Variants in CTNNA2 observed in about 807,000 individuals in gnomAD.
The protein encoded by CTNNA2 is catenin alpha-2.
Under a neutral mutation model 101.0 loss-of-function variants are expected in CTNNA2, and 42 were observed. The ratio of observed to expected loss-of-function variants is 0.42; its 90% CI spans 0.32 to 0.54. The LOEUF is 0.54. CTNNA2 is among the 20% of genes least tolerant of loss of function. The pLI, the probability that CTNNA2 is intolerant of heterozygous loss-of-function variation, is 0.14. For missense variants in CTNNA2, 871 were observed against 1,223.1 expected, an observed-to-expected ratio of 0.71 and a Z score of 4.29; for synonymous variants, 450 against 456.4, an observed-to-expected ratio of 0.99 and a Z score of 0.18.
intron 7 of CTNNA2, among the ~76,000 whole-genome samples, chr2:80,215,086 G>T (rs934138328): frequency 6.6e-6 from 1 of 151,864 alleles, no homozygotes; most frequent in Admixed American, 6.6e-5. Context: ...CATAGTTCTC[G>T]TGCCATGGTT....
intron 3 of CTNNA2, among the ~76,000 whole-genome samples, chr2:79,797,297 G>A (rs202083274): frequency 6.6e-6 from 1 of 152,050 alleles, no homozygotes; most frequent in Non-Finnish European, 1.5e-5. Flanking sequence ...GCAGGCCCAG[G>A]TGGTCATCTA....
At chr2:79,603,466 T>A (rs767672350) in intron 1 of CTNNA2, among the ~76,000 whole-genome samples, 21 of 152,222 alleles carry the variant, frequency 1.4e-4, no homozygotes, top group Non-Finnish European at 5.9e-5. Flanking sequence ...AAGTATCATG[T>A]ATTAGAGAAG....
At chr2:80,094,078 C>A (rs1699980752) in intron 7 of CTNNA2, among the ~76,000 whole-genome samples, 1 of 152,088 alleles carries the variant, frequency 6.6e-6, no homozygotes. Context: ...GAAGTCCTTG[C>A]CCATGCCTAT....
At chr2:80,077,514 C>T (rs1252002652) in intron 7 of CTNNA2, among the ~76,000 whole-genome samples, 2 of 151,112 alleles carry the variant, frequency 1.3e-5, no homozygotes, top group Non-Finnish European at 2.9e-5. Context: ...TTTGGGAGGC[C>T]AAGGCAGGAA....
At chr2:79,233,013 T>C (rs1299699070) in intron 2 of CTNNA2, among the ~76,000 whole-genome samples, 3 of 152,186 alleles carry the variant, frequency 2.0e-5, no homozygotes, top group Non-Finnish European at 4.4e-5. Flanking sequence ...AATTTTTAGT[T>C]TTACTGATCA....
chr2:80,042,392 A>G (rs1299758211), intron 7 of CTNNA2, among the ~76,000 whole-genome samples: 2 of 152,212 alleles, frequency 1.3e-5, no homozygotes, highest in Admixed American at 1.3e-4. Flanking sequence ...GCTGTTGAGA[A>G]TCGGGTTTAA....
chr2:79,336,839 G>A lies in CTNNA2; in HGVS notation c.-318+24043G>A, dbSNP rs527813108. Among the ~76,000 whole-genome samples, 23 of 152,270 alleles carry A rather than the reference G, an allele frequency of 1.5e-4. No individual in the cohort carries two copies. In the East Asian group the frequency reaches 2.5e-3, roughly 17 times the overall value. On this transcript the variant is annotated intron_variant, in intron 3 of 21. Coordinates refer to the CTNNA2 transcript ENST00000466387. Reference sequence around the variant, plus strand: ...TAGAATTTCTTGAAAGAGGAAATGCGTGGTGGCATGGTGGTGTTGTCTATT... The same window carrying A: ...TAGAATTTCTTGAAAGAGGAAATGCATGGTGGCATGGTGGTGTTGTCTATT...
intron 7 of CTNNA2, among the ~76,000 whole-genome samples, chr2:80,297,620 C>T (rs532653704): frequency 1.3e-5 from 2 of 152,166 alleles, no homozygotes; most frequent in South Asian, 4.2e-4. Context: ...AATTTTGCCT[C>T]CTGAATCCCA....
At chr2:80,452,219 A>G (rs1056145633) in intron 9 of CTNNA2, among the ~76,000 whole-genome samples, 2 of 147,032 alleles carry the variant, frequency 1.4e-5, no homozygotes, top group East Asian at 3.8e-4. Flanking sequence ...ATTCACAGCT[A>G]GGTTTATTTA....
At chr2:80,411,551 C>T (rs1679576652) in intron 8 of CTNNA2, among the ~76,000 whole-genome samples, 2 of 152,120 alleles carry the variant, frequency 1.3e-5, no homozygotes, top group South Asian at 2.1e-4. Context: ...ATACTTTACT[C>T]GTTCAGGAAT....
chr2:80,396,797 A>G (rs1362067440), intron 8 of CTNNA2, among the ~76,000 whole-genome samples: 4 of 152,150 alleles, frequency 2.6e-5, no homozygotes, highest in African/African-American at 9.6e-5. Flanking sequence ...CAACTCTTTC[A>G]CTCCCCAAAC....
chr2:79,377,840 C>T (rs563989631), intron 4 of CTNNA2, among the ~76,000 whole-genome samples: 2 of 152,248 alleles, frequency 1.3e-5, no homozygotes, highest in Middle Eastern at 3.4e-3. Flanking sequence ...TTATCTGATG[C>T]AAACATGAAG....
At chr2:79,835,503 A>G (rs1005923803) in intron 3 of CTNNA2, among the ~76,000 whole-genome samples, 1 of 151,924 alleles carries the variant, frequency 6.6e-6, no homozygotes, top group African/African-American at 2.4e-5. Flanking sequence ...TCATTGGGCA[A>G]TTGAGATTCT....
chr2:80,020,991 A>ACCTTTT (rs1694515804), intron 7 of CTNNA2, among the ~76,000 whole-genome samples: 1 of 119,466 alleles, frequency 8.4e-6, no homozygotes, highest in African/African-American at 3.8e-5. Flanking sequence ...ATGACCAATC[A>ACCTTTT]TCTTTTTTTT....
chr2:79,983,856 G>A (rs546837931), intron 7 of CTNNA2, among the ~76,000 whole-genome samples: 2 of 152,136 alleles, frequency 1.3e-5, no homozygotes, highest in South Asian at 4.2e-4. Context: ...ATGTTGAAGG[G>A]CTAGCCTGGG....
intron 1 of CTNNA2, among the ~76,000 whole-genome samples, chr2:79,568,435 C>G (rs1675250349): frequency 1.3e-5 from 2 of 151,508 alleles, no homozygotes; most frequent in African/African-American, 4.9e-5. Flanking sequence ...AACCCCGTCT[C>G]TACTAAAAAT....
intron 3 of CTNNA2, among the ~76,000 whole-genome samples, chr2:79,782,324 C>T (rs2105206520): frequency 6.6e-6 from 1 of 152,270 alleles, no homozygotes; most frequent in Middle Eastern, 3.4e-3. Context: ...GTAACCTCCA[C>T]CTCCTGGGTT....
chr2:79,985,343 C>T (rs1691684353), intron 7 of CTNNA2, among the ~76,000 whole-genome samples: 2 of 152,214 alleles, frequency 1.3e-5, no homozygotes, highest in Non-Finnish European at 2.9e-5. Context: ...CCAGCTTCCC[C>T]TGTAGGTGAA....
chr2:79,614,212 A>G (rs980131738), intron 1 of CTNNA2, among the ~76,000 whole-genome samples: 2 of 152,226 alleles, frequency 1.3e-5, no homozygotes, highest in Non-Finnish European at 2.9e-5. Context: ...TTAATATGTT[A>G]TATCAGTTAT....
Sources: allele counts gnomAD v4.1 joint callset (sites outside exome capture counted in the v4.1 genomes callset), GRCh38; gene constraint gnomAD v4.1.1; transcripts MANE v1.5; gene names NCBI Gene and HGNC (gene_info 2026-07-23, HGNC 2026-07-21).